DCUN1D3: variants seen among roughly 807,000 people sequenced by gnomAD.
The protein encoded by DCUN1D3 is defective in cullin neddylation 1 domain containing 3.
DCUN1D3 carries 6 observed loss-of-function variants against 24.8 expected under a neutral mutation model. The ratio of observed to expected loss-of-function variants is 0.24; its 90% CI spans 0.13 to 0.48. The LOEUF is 0.48. Among genes scored for constraint, DCUN1D3 ranks in the 20% least tolerant of loss-of-function variants. DCUN1D3 has a pLI of 0.99. For synonymous variants in DCUN1D3, 120 were observed against 144.9 expected (o/e 0.83, Z 1.24); for missense variants, 258 against 379.4 (o/e 0.68, Z 2.66).
At chr16:20,865,164 AC>A (rs1165556485) in intron 1 of DCUN1D3, among the ~76,000 whole-genome samples, 20 of 152,112 alleles carry the variant, frequency 1.3e-4, no homozygotes, top group Non-Finnish European at 2.8e-4. Flanking sequence ...AAAAAAAGTT[AC>A]CAAAAATAAA....
intron 1 of DCUN1D3, among the ~76,000 whole-genome samples, chr16:20,886,515 T>C (rs543233412): frequency 1.4e-4 from 22 of 152,360 alleles, no homozygotes; most frequent in Admixed American, 7.8e-4. Flanking sequence ...GAGTCATTCA[T>C]GCCCAAACTA....
intron 1 of DCUN1D3, among the ~76,000 whole-genome samples, chr16:20,863,956 T>C (rs1332084150): frequency 6.6e-6 from 1 of 152,110 alleles, no homozygotes; most frequent in Non-Finnish European, 1.5e-5. Context: ...CCTTACACCA[T>C]ATACAAAAAT....
At chr16:20,899,007 A>C (rs970780585) in intron 1 of DCUN1D3, among the ~76,000 whole-genome samples, 2 of 152,238 alleles carry the variant, frequency 1.3e-5, no homozygotes, top group African/African-American at 4.8e-5. Flanking sequence ...AAAACTAAAC[A>C]GATCACACTG....
At chr16:20,877,213 T>A (rs1272366387) in intron 1 of DCUN1D3, among the ~76,000 whole-genome samples, 1 of 152,040 alleles carries the variant, frequency 6.6e-6, no homozygotes, top group Non-Finnish European at 1.5e-5. Context: ...CAAAACTACA[T>A]ATATTATTTA....
At chr16:20,896,196 T>C (rs950067205) in intron 1 of DCUN1D3, 5 of 152,202 alleles carry the variant, frequency 3.3e-5, no homozygotes, top group Non-Finnish European at 7.3e-5. Context: ...TTTCAACTTA[T>C]GATGGGGTTA....
intron 1 of DCUN1D3, among the ~76,000 whole-genome samples, chr16:20,895,957 A>C (rs1165031222): frequency 6.6e-6 from 1 of 152,236 alleles, no homozygotes; most frequent in Non-Finnish European, 1.5e-5. Flanking sequence ...CAGCACATAG[A>C]CAGTCCCAGA....
chr16:20,894,532 C>T (rs1192875802), intron 1 of DCUN1D3, among the ~76,000 whole-genome samples: 1 of 152,144 alleles, frequency 6.6e-6, no homozygotes, highest in Non-Finnish European at 1.5e-5. Flanking sequence ...GAGCAGGGCA[C>T]AAAAGGATCA....
At chr16:20,878,837 C>A (rs1194006573) in intron 1 of DCUN1D3, among the ~76,000 whole-genome samples, 1 of 152,148 alleles carries the variant, frequency 6.6e-6, no homozygotes, top group Non-Finnish European at 1.5e-5. Flanking sequence ...CTCTTTACAG[C>A]CACCAGAGAC....
chr16:20,873,948 C>A (rs932936616), intron 1 of DCUN1D3, among the ~76,000 whole-genome samples: 5 of 152,170 alleles, frequency 3.3e-5, no homozygotes, highest in African/African-American at 9.7e-5. Flanking sequence ...TATGAAGAGA[C>A]AAAGGGAAAC....
chr16:20,886,065 A>AG lies in DCUN1D3; in HGVS notation c.-106+14138_-106+14139insC, dbSNP rs1018971692. 4.6e-3 allele frequency among the ~76,000 whole-genome samples: 105 copies of AG among 22,668 alleles called. 1 individual carries two copies. Among genetic ancestry groups the AG allele is most frequent in the African/African-American group, 9.2e-3 (98 of 10,630 alleles). The allele number at this position is 22,668 out of a possible 152,430, so 14.9% of individuals were successfully genotyped here. A position where few individuals can be genotyped will look rare whatever the true frequency, so the allele number is the denominator to read the frequency against. ...AACAATATTATTCATTTTTTCATTG[A>AG]AAAAAAAAAAAAAGGCCACCAATAC... On this transcript the variant is annotated intron_variant, in intron 1 of 2. Coordinates refer to ENST00000324344, the MANE Select transcript of DCUN1D3 (RefSeq NM_173475.4).
At chr16:20,887,416 T>C (rs1353891540) in intron 1 of DCUN1D3, among the ~76,000 whole-genome samples, 1 of 152,218 alleles carries the variant, frequency 6.6e-6, no homozygotes, top group Non-Finnish European at 1.5e-5. Context: ...GAGTATTCAT[T>C]TCAGCAACAC....
At chr16:20,896,597 T>A (rs1041921025) in intron 1 of DCUN1D3, among the ~76,000 whole-genome samples, 4 of 152,100 alleles carry the variant, frequency 2.6e-5, no homozygotes, top group African/African-American at 9.7e-5. Flanking sequence ...AACTGGCTGA[T>A]GAAACTTCAG....
intron 1 of DCUN1D3, among the ~76,000 whole-genome samples, chr16:20,898,514 G>A (rs2081930460): frequency 6.6e-6 from 1 of 152,204 alleles, no homozygotes; most frequent in African/African-American, 2.4e-5. Context: ...TTTAGTCAAT[G>A]GCAAACTAGG....
chr16:20,862,252 C>G lies in DCUN1D3; in HGVS notation c.287G>C (p.Arg96Thr). 8.7e-6 allele frequency: 14 copies of G among 1,614,258 alleles called. No homozygotes were observed. The highest frequency in any genetic ancestry group is 1.2e-5 in the Non-Finnish European group (14 of 1,180,054). ...ATCTTCCCGCTCATCCTTGTAGCGC[C>G]TGAACAGTTCTTCCAATCTTTGCAA... ...SSLQRLEELF[R>T]RYKDEREDAI... Residue 96 changes from arginine (R) to threonine (T), a missense_variant, in exon 2 of 3, where the codon AGG becomes ACG. Physicochemically the swap from Arg to Thr is moderately conservative, Grantham distance 71. Coordinates refer to ENST00000324344, the MANE Select transcript of DCUN1D3 (RefSeq NM_173475.4).
chr16:20,893,835 G>A (rs551280547), intron 1 of DCUN1D3, among the ~76,000 whole-genome samples: 3 of 152,272 alleles, frequency 2.0e-5, no homozygotes, highest in African/African-American at 7.2e-5. Context: ...CTTGAGACTC[G>A]TTCAGAATCA....
rs1454127158 is a variant in DCUN1D3 at position 20,855,904 on chromosome 16, G to T, written c.*3982C>A. ...ACAAGATACTGCTGGAGTCCTCCAA[G>T]AAGACCTGTCATTTACCAAGATGTT... is the stretch of plus-strand genomic sequence containing the variant. On this transcript the variant is annotated 3_prime_UTR_variant, in exon 3 of 3. Coordinates refer to ENST00000324344, the MANE Select transcript of DCUN1D3 (RefSeq NM_173475.4). 5 of 152,210 alleles carry T rather than the reference G, an allele frequency of 3.3e-5. No homozygotes were observed. Among genetic ancestry groups the T allele is most frequent in the Non-Finnish European group, 2.9e-5 (2 of 68,048 alleles). The allele number at this position is 152,210 out of a possible 1,614,324, so 9.4% of individuals were successfully genotyped here.
At chr16:20,870,079 C>T (rs562932668) in intron 1 of DCUN1D3, among the ~76,000 whole-genome samples, 7 of 152,328 alleles carry the variant, frequency 4.6e-5, no homozygotes, top group Admixed American at 2.6e-4. Flanking sequence ...GAGCAATGTG[C>T]ACTCTCGAGC....
intron 1 of DCUN1D3, among the ~76,000 whole-genome samples, chr16:20,891,597 C>T (rs1463149626): frequency 6.6e-6 from 1 of 152,118 alleles, no homozygotes; most frequent in Non-Finnish European, 1.5e-5. Flanking sequence ...GTAGGGTAGC[C>T]GGCCTTCGAG....
At chr16:20,877,646 G>A (rs539725785) in intron 1 of DCUN1D3, among the ~76,000 whole-genome samples, 2 of 152,308 alleles carry the variant, frequency 1.3e-5, no homozygotes, top group Admixed American at 1.3e-4. Flanking sequence ...AATCTGAGAT[G>A]TTTAGCACTT....
Sources: gnomAD v4.1 joint callset for allele counts (sites outside exome capture counted in the v4.1 genomes callset) on GRCh38, gnomAD v4.1.1 for gene constraint, MANE v1.5 for transcripts, NCBI Gene and HGNC (gene_info 2026-07-23, HGNC 2026-07-21) for gene names.